Variants in LIN28B observed in about 807,000 individuals in gnomAD.
The protein encoded by LIN28B is protein lin-28 homolog B.
In LIN28B, 5 loss-of-function variants were observed where a neutral mutation model predicts 21.9. The observed-to-expected ratio is 0.23, with a 90% CI of 0.12 to 0.48. LIN28B has a LOEUF of 0.48. Ranked by LOEUF, LIN28B falls within the 20% of genes least tolerant of loss-of-function variation. The pLI, the probability that LIN28B is intolerant of heterozygous loss-of-function variation, is 0.98. For synonymous variants in LIN28B, 109 were observed against 111.3 expected (o/e 0.98, Z 0.13); for missense variants, 245 against 310.5 (o/e 0.79, Z 1.58).
intron 2 of LIN28B, among the ~76,000 whole-genome samples, chr6:104,960,531 T>A (rs1366958909): frequency 6.6e-6 from 1 of 152,150 alleles, no homozygotes; most frequent in Non-Finnish European, 1.5e-5. Context: ...AATGTTCAAC[T>A]GGACCTATGT....
intron 3 of LIN28B, among the ~76,000 whole-genome samples, chr6:105,046,919 C>A (rs1211443357): frequency 6.6e-6 from 1 of 151,930 alleles, no homozygotes; most frequent in Non-Finnish European, 1.5e-5. Flanking sequence ...GGATATTAGC[C>A]CTTTGTCAGA....
upstream of LIN28B, among the ~76,000 whole-genome samples, chr6:104,952,341 G>A (rs1778229450): frequency 1.3e-5 from 2 of 152,090 alleles, no homozygotes; most frequent in South Asian, 4.1e-4. Flanking sequence ...GCCATTCTGG[G>A]CAAAGTAATG....
intron 3 of LIN28B, among the ~76,000 whole-genome samples, chr6:105,040,372 T>A (rs1260481294): frequency 6.6e-6 from 1 of 152,130 alleles, no homozygotes; most frequent in Non-Finnish European, 1.5e-5. Flanking sequence ...TTTCTGTCTC[T>A]GTATTGCTGT....
chr6:105,042,742 T>A (rs1198448810), intron 3 of LIN28B, among the ~76,000 whole-genome samples: 1 of 152,196 alleles, frequency 6.6e-6, no homozygotes, highest in African/African-American at 2.4e-5. Context: ...TCTTCAGATG[T>A]CAGTGGGAGC....
chr6:105,054,885 C>T (rs1562108567), intron 3 of LIN28B, among the ~76,000 whole-genome samples: 1 of 150,998 alleles, frequency 6.6e-6, no homozygotes, highest in African/African-American at 2.4e-5. Context: ...TTGCTGCTGG[C>T]CAAAAATTCA....
intron 2 of LIN28B, among the ~76,000 whole-genome samples, chr6:104,966,066 T>C (rs745695825): frequency 6.6e-5 from 10 of 152,310 alleles, no homozygotes; most frequent in Middle Eastern, 3.4e-3. Flanking sequence ...TATAGGGCTG[T>C]TAGGAGGATT....
At chr6:105,014,602 G>A (rs1265637015) in intron 2 of LIN28B, among the ~76,000 whole-genome samples, 1 of 152,104 alleles carries the variant, frequency 6.6e-6, no homozygotes, top group East Asian at 1.9e-4. Flanking sequence ...AATTACAGGC[G>A]TGAGCCACTG....
intron 2 of LIN28B, chr6:104,941,251 C>T (rs1200835463): frequency 2.0e-5 from 3 of 152,238 alleles, no homozygotes. Context: ...CGCGTCTTTC[C>T]TTCGCCGGCC....
chr6:104,941,983 T>C (rs1778101039), intron 2 of LIN28B, among the ~76,000 whole-genome samples: 1 of 152,228 alleles, frequency 6.6e-6, no homozygotes, highest in Non-Finnish European at 1.5e-5. Context: ...TTGAATTGTT[T>C]CATGTAACAC....
intron 2 of LIN28B, among the ~76,000 whole-genome samples, chr6:104,974,779 C>G (rs758428721): frequency 6.6e-6 from 1 of 151,546 alleles, no homozygotes; most frequent in Non-Finnish European, 1.5e-5. Context: ...ATAAAACTTA[C>G]GTTTTATGGA....
At chr6:105,008,494 A>T (rs187040907) in intron 2 of LIN28B, among the ~76,000 whole-genome samples, 1 of 152,038 alleles carries the variant, frequency 6.6e-6, no homozygotes, top group Admixed American at 6.6e-5. Context: ...AATACAAAAA[A>T]TTAGCTGGGC....
At chr6:105,051,444 A>AAAAAAGAAAG in intron 3 of LIN28B, among the ~76,000 whole-genome samples, 1 of 151,974 alleles carries the variant, frequency 6.6e-6, no homozygotes, top group Admixed American at 6.5e-5. Context: ...GTCTGAAAAA[A>AAAAAAGAAAG]AAAAAGAAAG....
At chr6:105,021,976 T>C (rs1210695863) in intron 2 of LIN28B, among the ~76,000 whole-genome samples, 1 of 152,138 alleles carries the variant, frequency 6.6e-6, no homozygotes, top group Non-Finnish European at 1.5e-5. Context: ...TTATCCAGTT[T>C]TACTAATGGA....
intron 3 of LIN28B, among the ~76,000 whole-genome samples, chr6:105,050,722 T>G (rs1771884721): frequency 6.6e-6 from 1 of 151,346 alleles, no homozygotes; most frequent in Non-Finnish European, 1.5e-5. Flanking sequence ...TTCCCTTTGT[T>G]ATTTTACAAT....
intron 2 of LIN28B, among the ~76,000 whole-genome samples, chr6:104,965,968 G>A (rs1281015726): frequency 6.6e-6 from 1 of 152,150 alleles, no homozygotes; most frequent in Admixed American, 6.5e-5. Context: ...TCAAATCCCA[G>A]TTTATTAGAT....
At chr6:105,044,345 C>G (rs1052316377) in intron 3 of LIN28B, among the ~76,000 whole-genome samples, 3 of 152,014 alleles carry the variant, frequency 2.0e-5, no homozygotes, top group African/African-American at 7.2e-5. Context: ...TTTGTAATAC[C>G]TTTTAATTCC....
intron 2 of LIN28B, among the ~76,000 whole-genome samples, chr6:105,014,083 T>C (rs780276998): frequency 1.2e-4 from 18 of 152,200 alleles, no homozygotes; most frequent in Non-Finnish European, 2.4e-4. Context: ...CTACCAACTT[T>C]GAGTTTCCTT....
In LIN28B at chr6:104,986,532, C is replaced by CAA. The variant is rs71003463; in HGVS notation, c.198+28262_198+28263dup. Among the ~76,000 whole-genome samples the CAA allele has an allele frequency of 3.6e-3, 497 of 139,890 alleles. 4 individuals carry two copies. Among genetic ancestry groups the CAA allele is most frequent in the East Asian group, 6.4e-3 (31 of 4,826 alleles). 91.8% of individuals were successfully genotyped at this position (139,890 alleles called of 152,430 possible). ...AATTAGTCAGCTTGTTCATTTCTAC[C>CAA]AAAAAAAAAAAAAAAAAGTCTCTGT... is the stretch of plus-strand genomic sequence containing the variant. On this transcript the variant is annotated intron_variant, in intron 2 of 3. Transcript: ENST00000345080.
chr6:104,992,371 T>C (rs1471909312), intron 2 of LIN28B, among the ~76,000 whole-genome samples: 1 of 152,180 alleles, frequency 6.6e-6, no homozygotes, highest in African/African-American at 2.4e-5. Flanking sequence ...TTACATCTTA[T>C]GTAACAATTA....
Sources: allele counts gnomAD v4.1 joint callset (sites outside exome capture counted in the v4.1 genomes callset), GRCh38; gene constraint gnomAD v4.1.1; transcripts MANE v1.5; gene names NCBI Gene and HGNC (gene_info 2026-07-23, HGNC 2026-07-21).